The following TTLL9 variants were observed in gnomAD, a reference collection of about 807,000 sequenced individuals.
TTLL9 encodes the protein tubulin tyrosine ligase like 9, also known as probable tubulin polyglutamylase TTLL9.
A neutral mutation model predicts 65.6 loss-of-function variants in TTLL9; 47 were observed. That is an observed-to-expected ratio of 0.72 (90% CI 0.57 to 0.91). The LOEUF is 0.91. Among genes scored for constraint, TTLL9 ranks in the 40% least tolerant of loss-of-function variants. The pLI is 0.00. For missense variants in TTLL9, 537 were observed against 568.8 expected (o/e 0.94, Z 0.57); for synonymous variants, 179 against 204.8 (o/e 0.87, Z 1.07).
At position 31,871,085 on chromosome 20, in the gene TTLL9, C is replaced by T. The variant is rs775264493; in HGVS notation, c.-5-37C>T. 7.6e-6 allele frequency: 12 copies of T among 1,586,336 alleles called. No homozygotes were observed. In the Middle Eastern group the frequency reaches 8.3e-4, roughly 110 times the overall value. ...TCCATCTTCCCATCCATTCATCCAT[C>T]CTCTCACTCCTTCCTTCCATCCATT... On this transcript the variant is annotated intron_variant, in intron 1 of 14. Transcript: ENST00000535842.
intron 6 of TTLL9, among the ~76,000 whole-genome samples, chr20:31,917,779 A>G (rs550026819): frequency 1.3e-5 from 2 of 152,342 alleles, no homozygotes; most frequent in Non-Finnish European, 2.9e-5. Context: ...GAAACACGAA[A>G]GGTGGCTCGC....
intron 3 of TTLL9, among the ~76,000 whole-genome samples, chr20:31,897,512 G>A (rs1442038936): frequency 6.6e-6 from 1 of 152,078 alleles, no homozygotes; most frequent in Non-Finnish European, 1.5e-5. Context: ...TTCTGTTTTT[G>A]ATTTTATTGA....
intron 4 of TTLL9, among the ~76,000 whole-genome samples, chr20:31,903,135 G>A (rs1487553895): frequency 3.9e-5 from 6 of 152,032 alleles, no homozygotes; most frequent in African/African-American, 1.4e-4. Context: ...CTCCCAAAGT[G>A]TTGAGATTAT....
At position 31,908,639 on chromosome 20, in the gene TTLL9, G is replaced by T. The variant is rs1178362255; in HGVS notation, c.255G>T (p.Glu85Asp). 1.2e-6 allele frequency: 2 copies of T among 1,614,174 alleles called. No homozygotes were observed. The highest frequency in any genetic ancestry group is 2.7e-5 in the African/African-American group (2 of 75,054). The change falls in exon 5 of 15, where the codon GAG (glutamate) becomes GAT (aspartate). Residue 85 changes from glutamate (E) to aspartate (D), a missense_variant. Physicochemically the swap from Glu to Asp is conservative, Grantham distance 45 (BLOSUM62 2). This residue lies in a region of TTLL9 where 320 missense variants were observed against 311.0 expected (regional missense o/e 1.03). Coordinates refer to ENST00000535842, the MANE Select transcript of TTLL9 (RefSeq NM_001008409.5). The stretch of plus-strand genomic sequence containing the variant: ...GGTGTGACGTCAGCTGGCTCCGGGA[G>T]AACTTCGACCACACCTACATGGATG... ...FYWCDVSWLR[E>D]NFDHTYMDEH...
intron 3 of TTLL9, among the ~76,000 whole-genome samples, chr20:31,896,956 A>T (rs1264983573): frequency 1.3e-5 from 2 of 152,188 alleles, no homozygotes; most frequent in African/African-American, 4.8e-5. Flanking sequence ...GGATTTTTCC[A>T]TCTACATTCA....
chr20:31,941,299 G>T (rs1308596866), intron 14 of TTLL9: 6 of 151,846 alleles, frequency 4.0e-5, no homozygotes, highest in Non-Finnish European at 8.8e-5. Context: ...TTGCACAGAG[G>T]TGTGCATATA....
intron 4 of TTLL9, among the ~76,000 whole-genome samples, chr20:31,906,678 C>T (rs1199905383): frequency 6.6e-6 from 1 of 151,830 alleles, no homozygotes; most frequent in Non-Finnish European, 1.5e-5. Flanking sequence ...GAGATGGGGT[C>T]TCACTCTGTC....
chr20:31,934,737 A>C lies in TTLL9; in HGVS notation c.853A>C (p.Lys285Gln). 6.2e-7 allele frequency: 1 copy of C among 1,612,666 alleles called. No homozygotes were observed. The highest frequency in any genetic ancestry group is 8.5e-7 in the Non-Finnish European group (1 of 1,179,946). ...LQRFRQYLAS[K>Q]HGPEAVETLF... ...GCGCTTCCGGCAGTACCTGGCGTCC[A>C]AACACGGGCCCGAGGCAGTGGAGAC... is the stretch of plus-strand genomic sequence containing the variant. Residue 285 changes from lysine to glutamine, a missense_variant, in exon 12 of 15, where the codon AAA becomes CAA. By Grantham distance (53) the Lys-to-Gln change is moderately conservative. Transcript: ENST00000535842.
At chr20:31,897,136 C>T (rs1302553075) in intron 3 of TTLL9, among the ~76,000 whole-genome samples, 1 of 152,166 alleles carries the variant, frequency 6.6e-6, no homozygotes, top group East Asian at 1.9e-4. Context: ...GGGAAATTCT[C>T]CAGTGAAACC....
chr20:31,906,562 C>T (rs2063562389), intron 4 of TTLL9, among the ~76,000 whole-genome samples: 1 of 152,230 alleles, frequency 6.6e-6, no homozygotes, highest in South Asian at 2.1e-4. Context: ...ATTTCTGCCT[C>T]AGACCTCCTC....
chr20:31,890,198 T>TTTCTTTCTTTCTTTCTTTCTTTCTTTCC (rs1434524249), intron 3 of TTLL9, among the ~76,000 whole-genome samples: 1 of 144,368 alleles, frequency 6.9e-6, no homozygotes, highest in Middle Eastern at 3.2e-3. Flanking sequence ...TCTTTCTTTC[T>TTTCTTTCTTTCTTTCTTTCTTTCTTTCC]TTCTCTTTCT....
chr20:31,924,877 C>A, intron 8 of TTLL9, 132 bp from the exon 9 acceptor site: 1 of 993,908 alleles, frequency 1.0e-6, no homozygotes, highest in East Asian at 2.7e-5. Flanking sequence ...GCGCCTAGCC[C>A]CTTGTGTAGT....
At chr20:31,897,164 CT>C (rs2063399501) in intron 3 of TTLL9, among the ~76,000 whole-genome samples, 1 of 152,058 alleles carries the variant, frequency 6.6e-6, no homozygotes, top group Non-Finnish European at 1.5e-5. Context: ...CTGGAGATTT[CT>C]TTTTTGGGAG....
At chr20:31,938,087 C>CCT (rs1555851153) in intron 13 of TTLL9, 14 of 166,084 alleles carry the variant, frequency 8.4e-5, no homozygotes, top group South Asian at 4.5e-4. Context: ...CCTCTCCCTC[C>CCT]CTCCCTCTCC....
intron 14 of TTLL9, chr20:31,940,258 CGTT>C (rs2064181726): frequency 6.6e-6 from 1 of 152,152 alleles, no homozygotes; most frequent in South Asian, 2.1e-4. Context: ...CATACTGACT[CGTT>C]GTTTTATGTG....
intron 3 of TTLL9, among the ~76,000 whole-genome samples, chr20:31,887,978 G>A (rs1340852245): frequency 1.3e-5 from 2 of 151,122 alleles, no homozygotes; most frequent in African/African-American, 2.4e-5. Context: ...TCTGCCTCTC[G>A]GGTTCAAGTG....
intron 2 of TTLL9, among the ~76,000 whole-genome samples, chr20:31,880,269 G>GTCCATCCA (rs893268938): frequency 7.0e-4 from 106 of 152,004 alleles, no homozygotes; most frequent in African/African-American, 2.4e-3. Context: ...CCGTCCATCC[G>GTCCATCCA]TCCATCCATC....
Position 31,884,703 on chromosome 20 carries a change from G to A in TTLL9, c.70-2493G>A, listed in dbSNP as rs115379865. Among the ~76,000 whole-genome samples, 1,162 of 152,272 alleles carry A rather than the reference G, an allele frequency of 7.6e-3. 17 individuals carry two copies. The highest frequency in any genetic ancestry group is 0.027 in the African/African-American group (1,103 of 41,528). ...TCAATGGCAGTTCTTCTCACATTGC[G>A]TGACTCTGACACTCTGACATTGACT... On this transcript the variant is annotated intron_variant, in intron 2 of 14. Coordinates refer to ENST00000535842, the MANE Select transcript of TTLL9 (RefSeq NM_001008409.5).
At chr20:31,915,210 G>A (rs562225477) in intron 6 of TTLL9, among the ~76,000 whole-genome samples, 4 of 152,316 alleles carry the variant, frequency 2.6e-5, no homozygotes, top group Admixed American at 2.0e-4. Flanking sequence ...GGCCGGGCGC[G>A]GTGGCTCACG....
Sources: allele counts gnomAD v4.1 joint callset (sites outside exome capture counted in the v4.1 genomes callset), GRCh38; gene constraint gnomAD v4.1.1; regional missense constraint gnomAD v4.1.1; transcripts MANE v1.5; gene names NCBI Gene and HGNC (gene_info 2026-07-23, HGNC 2026-07-21).